The following CNTNAP5 variants were observed in gnomAD, a reference collection of about 807,000 sequenced individuals.
CNTNAP5 encodes the protein contactin associated protein family member 5.
CNTNAP5 carries 72 observed loss-of-function variants against 150.2 expected under a neutral mutation model. That is an observed-to-expected ratio of 0.48 (90% CI 0.40 to 0.58). The LOEUF is 0.58. Among genes scored for constraint, CNTNAP5 ranks in the 20% least tolerant of loss-of-function variants. The pLI, the probability that CNTNAP5 is intolerant of heterozygous loss-of-function variation, is 0.00. For missense variants in CNTNAP5, 1,636 were observed against 1,626.2 expected (o/e 1.01, Z -0.10); for synonymous variants, 672 against 619.8 (o/e 1.08, Z -1.25).
intron 13 of CNTNAP5, among the ~76,000 whole-genome samples, chr2:124,706,124 G>A (rs1014859418): frequency 2.6e-5 from 4 of 152,140 alleles, no homozygotes; most frequent in Non-Finnish European, 5.9e-5. Flanking sequence ...TCTGATTCTA[G>A]GTTACTGCTC....
At chr2:124,835,807 C>T (rs376648026) in intron 19 of CNTNAP5, among the ~76,000 whole-genome samples, 3 of 152,244 alleles carry the variant, frequency 2.0e-5, no homozygotes, top group East Asian at 3.9e-4. Context: ...TGTCAAAACT[C>T]ACGCAGTAAA....
At chr2:124,040,905 G>A (rs1310215392) in intron 1 of CNTNAP5, among the ~76,000 whole-genome samples, 1 of 152,052 alleles carries the variant, frequency 6.6e-6, no homozygotes, top group Non-Finnish European at 1.5e-5. Context: ...GTATATGAGT[G>A]GAATTCATCT....
At chr2:124,260,704 A>G (rs1277533743) in intron 3 of CNTNAP5, among the ~76,000 whole-genome samples, 1 of 152,210 alleles carries the variant, frequency 6.6e-6, no homozygotes, top group African/African-American at 2.4e-5. Context: ...ATGCATCATA[A>G]AACAAATGGT....
At chr2:124,392,729 GA>G (rs142485864) in intron 3 of CNTNAP5, among the ~76,000 whole-genome samples, 10 of 132,758 alleles carry the variant, frequency 7.5e-5, no homozygotes, top group South Asian at 4.9e-4. Context: ...AGGAGGGGAG[GA>G]AAAAAAAAAG....
chr2:124,903,721 C>T (rs1678464908), intron 22 of CNTNAP5, among the ~76,000 whole-genome samples: 1 of 152,032 alleles, frequency 6.6e-6, no homozygotes, highest in South Asian at 2.1e-4. Context: ...GTAAACAATA[C>T]AGTATGAATA....
chr2:124,171,027 G>A (rs1684919060), intron 1 of CNTNAP5, among the ~76,000 whole-genome samples: 1 of 152,114 alleles, frequency 6.6e-6, no homozygotes, highest in African/African-American at 2.4e-5. Context: ...CTGCCATGTA[G>A]GTTGATTTTA....
At chr2:124,147,091 T>C (rs886887314) in intron 1 of CNTNAP5, among the ~76,000 whole-genome samples, 2 of 152,098 alleles carry the variant, frequency 1.3e-5, no homozygotes, top group African/African-American at 2.4e-5. Context: ...AGGGGAAAAA[T>C]GTGCAGGATA....
At chr2:124,199,245 A>G (rs1558797704) in intron 1 of CNTNAP5, among the ~76,000 whole-genome samples, 3 of 152,086 alleles carry the variant, frequency 2.0e-5, no homozygotes, top group Admixed American at 2.0e-4. Flanking sequence ...GTGTGGATTG[A>G]ATTTCAATGA....
At chr2:124,132,716 A>G (rs946880353) in intron 1 of CNTNAP5, among the ~76,000 whole-genome samples, 1 of 152,212 alleles carries the variant, frequency 6.6e-6, no homozygotes, top group Non-Finnish European at 1.5e-5. Context: ...TCAGCTAAGA[A>G]TCATTTCAAT....
intron 19 of CNTNAP5, among the ~76,000 whole-genome samples, chr2:124,841,623 G>T (rs771437836): frequency 6.6e-6 from 1 of 151,970 alleles, no homozygotes; most frequent in Non-Finnish European, 1.5e-5. Context: ...TATTATAATA[G>T]TCTGCTTATT....
chr2:124,830,010 T>A (rs1682680284), intron 19 of CNTNAP5, among the ~76,000 whole-genome samples: 1 of 151,598 alleles, frequency 6.6e-6, no homozygotes, highest in Admixed American at 6.6e-5. Context: ...AAATTATAGC[T>A]GATACCATAT....
chr2:124,317,959 G>T (rs1187512397), intron 3 of CNTNAP5, among the ~76,000 whole-genome samples: 2 of 152,166 alleles, frequency 1.3e-5, no homozygotes, highest in Non-Finnish European at 2.9e-5. Flanking sequence ...TTTAAAAATT[G>T]CAGTGTGAGT....
intron 3 of CNTNAP5, among the ~76,000 whole-genome samples, chr2:124,269,909 G>A (rs1687700012): frequency 2.6e-5 from 4 of 152,284 alleles, no homozygotes; most frequent in East Asian, 1.9e-4. Flanking sequence ...TGGTCAGATC[G>A]ATATCCCACT....
At chr2:124,813,895 C>T (rs921256693) in intron 19 of CNTNAP5, among the ~76,000 whole-genome samples, 1 of 151,876 alleles carries the variant, frequency 6.6e-6, no homozygotes, top group Non-Finnish European at 1.5e-5. Flanking sequence ...TTGTTCTGGC[C>T]ACCCTAATCT....
intron 8 of CNTNAP5, among the ~76,000 whole-genome samples, chr2:124,514,187 C>A (rs559328745): frequency 6.6e-6 from 1 of 152,120 alleles, no homozygotes; most frequent in East Asian, 1.9e-4. Flanking sequence ...TGAAGCATTT[C>A]GTGTTATGGA....
At chr2:124,534,923 G>A (rs1695194614) in intron 10 of CNTNAP5, among the ~76,000 whole-genome samples, 1 of 152,072 alleles carries the variant, frequency 6.6e-6, no homozygotes, top group South Asian at 2.1e-4. Flanking sequence ...AGTTCAATAT[G>A]TCTCAGCCTT....
intron 21 of CNTNAP5, among the ~76,000 whole-genome samples, chr2:124,883,590 G>T (rs780776451): frequency 6.6e-6 from 1 of 151,958 alleles, no homozygotes; most frequent in Non-Finnish European, 1.5e-5. Context: ...ATGTTTTTTT[G>T]TGTGTATACA....
intron 1 of CNTNAP5, among the ~76,000 whole-genome samples, chr2:124,165,443 G>A (rs983409142): frequency 6.6e-6 from 1 of 152,122 alleles, no homozygotes; most frequent in African/African-American, 2.4e-5. Flanking sequence ...CTTTGCCACG[G>A]TTTCTCCTTC....
intron 1 of CNTNAP5, among the ~76,000 whole-genome samples, chr2:124,215,865 A>ATAC (rs1157070934): frequency 6.6e-6 from 1 of 152,308 alleles, no homozygotes; most frequent in African/African-American, 2.4e-5. Context: ...GTTATAAATA[A>ATAC]TACTACTACT....
Sources: allele counts gnomAD v4.1 joint callset (sites outside exome capture counted in the v4.1 genomes callset), GRCh38; gene constraint gnomAD v4.1.1; transcripts MANE v1.5; gene names NCBI Gene and HGNC (gene_info 2026-07-23, HGNC 2026-07-21).